PTPN14: variants seen among roughly 807,000 people sequenced by gnomAD.
The protein encoded by PTPN14 is tyrosine-protein phosphatase non-receptor type 14.
PTPN14 carries 53 observed loss-of-function variants against 126.8 expected under a neutral mutation model. The ratio of observed to expected loss-of-function variants is 0.42; its 90% CI spans 0.34 to 0.53. The LOEUF (loss-of-function observed/expected upper bound fraction) is 0.53, where lower values mean the gene tolerates loss of function less well. Ranked by LOEUF, PTPN14 falls within the 20% of genes least tolerant of loss-of-function variation. PTPN14 has a pLI of 0.08. For synonymous variants in PTPN14, 630 were observed against 599.3 expected, an observed-to-expected ratio of 1.05 and a Z score of -0.75; for missense variants, 1,257 against 1,552.9, an observed-to-expected ratio of 0.81 and a Z score of 3.20.
intron 3 of PTPN14, among the ~76,000 whole-genome samples, chr1:214,415,647 C>T (rs995379459): frequency 6.6e-6 from 1 of 152,104 alleles, no homozygotes; most frequent in Admixed American, 6.5e-5. Context: ...GAGAGGCAAT[C>T]GGCGCTGAGA....
Position 214,364,550 on chromosome 1 carries a change from G to C in PTPN14, c.3397C>G (p.Leu1133Val). 1 of 1,614,096 alleles carries C rather than the reference G, an allele frequency of 6.2e-7. No individual in the cohort carries two copies. Among genetic ancestry groups the C allele is most frequent in the Non-Finnish European group, 8.5e-7 (1 of 1,180,038 alleles). ...AGVGRTGVLI[L>V]SELMIYCLEH... ...AAGCAGTAGATCATCAGCTCAGAAA[G>C]AATGAGCACGCCGGTCCTTCCCACC... Residue 1133 changes from leucine to valine, a missense_variant, in exon 18 of 19, where the codon CTT becomes GTT. By Grantham distance (32) the Leu-to-Val change is conservative. Around this residue, in one of 3 missense-constraint regions of PTPN14, gnomAD observed 171 missense variants for 229.8 expected, o/e 0.74. Coordinates refer to ENST00000366956, the MANE Select transcript of PTPN14 (RefSeq NM_005401.5). This position sits in a 1 kb window ranked among gnomAD's most constrained non-coding sequence, Gnocchi z 4.1.
intron 1 of PTPN14, among the ~76,000 whole-genome samples, chr1:214,479,016 TAA>T (rs71556608): frequency 1.4e-5 from 2 of 143,742 alleles, no homozygotes; most frequent in African/African-American, 2.5e-5. Flanking sequence ...ACATTTTGCT[TAA>T]AAAAAAAAAA....
chr1:214,417,551 G>A (rs191405095), intron 3 of PTPN14, among the ~76,000 whole-genome samples: 94 of 152,218 alleles, frequency 6.2e-4, no homozygotes, highest in African/African-American at 1.9e-3. Context: ...GAGTATCAAA[G>A]GATCCCTTCA....
intron 3 of PTPN14, among the ~76,000 whole-genome samples, chr1:214,439,057 T>A (rs1000479797): frequency 2.6e-5 from 4 of 152,202 alleles, no homozygotes; most frequent in African/African-American, 4.8e-5. Context: ...TTTTTCCCCC[T>A]ACTTCCCACA....
intron 13 of PTPN14, among the ~76,000 whole-genome samples, chr1:214,382,127 T>C (rs1658486152): frequency 6.6e-6 from 1 of 152,216 alleles, no homozygotes; most frequent in Admixed American, 6.5e-5. Flanking sequence ...GGTCTTGAAC[T>C]CCTGACCTTG....
chr1:214,461,637 A>G (rs115102840), intron 2 of PTPN14, among the ~76,000 whole-genome samples: 123,626 of 149,566 alleles, frequency 0.83, 51,048 homozygotes, highest in African/African-American at 0.89. Flanking sequence ...CTCAACTGGA[A>G]AAAAAAAAAA....
At chr1:214,518,993 G>A (rs1032411460) in intron 1 of PTPN14, among the ~76,000 whole-genome samples, 2 of 152,270 alleles carry the variant, frequency 1.3e-5, no homozygotes, top group East Asian at 1.9e-4. Context: ...AACAGGCCAG[G>A]CACAGCAGCT....
At chr1:214,490,953 A>AAAGG (rs1161519197) in intron 1 of PTPN14, among the ~76,000 whole-genome samples, 3 of 64,130 alleles carry the variant, frequency 4.7e-5, no homozygotes, top group East Asian at 6.2e-4. Context: ...GAAAAGAAAG[A>AAAGG]AAGGAAGGAA....
intron 5 of PTPN14, among the ~76,000 whole-genome samples, chr1:214,409,492 T>C (rs1558089953): frequency 1.3e-5 from 2 of 152,248 alleles, no homozygotes; most frequent in South Asian, 2.1e-4. Flanking sequence ...GTTGTTTCCA[T>C]ATCTTGGCAA....
chr1:214,418,623 T>C (rs1250071272), intron 3 of PTPN14, among the ~76,000 whole-genome samples: 2 of 152,258 alleles, frequency 1.3e-5, no homozygotes, highest in Admixed American at 6.5e-5. Context: ...ATTTTTATGA[T>C]GCTTCTAAAG....
intron 2 of PTPN14, among the ~76,000 whole-genome samples, chr1:214,457,032 C>T (rs184937515): frequency 1.3e-5 from 2 of 152,168 alleles, no homozygotes; most frequent in Non-Finnish European, 2.9e-5. Context: ...GAGTACCCCC[C>T]AAATCCCACA....
chr1:214,524,067 C>A (rs191057593), intron 1 of PTPN14, among the ~76,000 whole-genome samples: 6 of 151,984 alleles, frequency 3.9e-5, no homozygotes, highest in African/African-American at 1.4e-4. Context: ...CCAGGCTGGT[C>A]TCAAACTCCT....
At chr1:214,440,277 T>C (rs747699196) in intron 3 of PTPN14, among the ~76,000 whole-genome samples, 1 of 152,198 alleles carries the variant, frequency 6.6e-6, no homozygotes, top group Non-Finnish European at 1.5e-5. Flanking sequence ...GGTCTCATAT[T>C]TAGATATAAA....
rs145779086 is a variant in PTPN14 at position 214,384,155 on chromosome 1, G to A, written c.1700C>T (p.Pro567Leu). 13 of 1,581,466 alleles carry A rather than the reference G, an allele frequency of 8.2e-6. No homozygotes were observed. The highest frequency in any genetic ancestry group is 2.7e-5 in the African/African-American group (2 of 74,486). ...HMLKNYLFRPPPPYPRPRPAT... is the reference protein window; with the variant it reads ...HMLKNYLFRPLPPYPRPRPAT... The stretch of plus-strand genomic sequence containing the variant: ...AGGTCGTGGCCGTGGGTAGGGGGGC[G>A]GTGGCCTGAAGAGATAGTTCTTAAG... The change falls in exon 13 of 19, where the codon CCG becomes CTG. Residue 567 changes from proline to leucine, a missense_variant. By Grantham distance (98) the Pro-to-Leu change is moderately conservative. Coordinates refer to ENST00000366956, the MANE Select transcript of PTPN14 (RefSeq NM_005401.5). This position sits in a 1 kb window ranked among gnomAD's most constrained non-coding sequence, Gnocchi z 5.3.
intron 16 of PTPN14, among the ~76,000 whole-genome samples, chr1:214,371,248 C>A (rs934811713): frequency 1.3e-5 from 2 of 152,120 alleles, no homozygotes; most frequent in Admixed American, 1.3e-4. Context: ...TTTCTTAACC[C>A]TTTTTCCATT....
chr1:214,366,220 T>C (rs938485546), intron 17 of PTPN14, among the ~76,000 whole-genome samples: 1 of 152,074 alleles, frequency 6.6e-6, no homozygotes, highest in Non-Finnish European at 1.5e-5. Context: ...GTGAGATGCA[T>C]AGAGGGAGTA....
rs1658035354 is a variant in PTPN14, at chr1:214,364,705, A to G, written c.3272-30T>C. 6.3e-7 allele frequency: 1 copy of G among 1,599,058 alleles called. No individual in the cohort carries two copies. Among genetic ancestry groups the G allele is most frequent in the East Asian group, 2.2e-5 (1 of 44,488 alleles). Reference sequence around the variant, plus strand: ...AGGACAAAATGCAAATTCTGTCACCAAAGTCCTCCATGGCTTCGCATGTAA... The same window carrying G: ...AGGACAAAATGCAAATTCTGTCACCGAAGTCCTCCATGGCTTCGCATGTAA... On this transcript the variant is annotated intron_variant, in intron 17 of 18. Transcript: ENST00000366956. This position sits in a 1 kb window ranked among gnomAD's most constrained non-coding sequence, Gnocchi z 4.1.
At chr1:214,537,644 G>T (rs1655740388) in intron 1 of PTPN14, among the ~76,000 whole-genome samples, 1 of 152,194 alleles carries the variant, frequency 6.6e-6, no homozygotes, top group Non-Finnish European at 1.5e-5. Context: ...GTCTCTCTCT[G>T]CTGGTCATCT....
At chr1:214,422,968 T>C (rs780694669) in intron 3 of PTPN14, among the ~76,000 whole-genome samples, 1 of 152,166 alleles carries the variant, frequency 6.6e-6, no homozygotes, top group Non-Finnish European at 1.5e-5. Flanking sequence ...CTTAATTCTA[T>C]ATCCCTCGAG....
Sources: gnomAD v4.1 joint callset for allele counts (sites outside exome capture counted in the v4.1 genomes callset) on GRCh38, gnomAD v4.1.1 for gene constraint, gnomAD v4.1.1 regional missense constraint, Gnocchi (gnomAD v3.1) non-coding constraint, MANE v1.5 for transcripts, NCBI Gene and HGNC (gene_info 2026-07-23, HGNC 2026-07-21) for gene names.